The following PHLPP1 variants were observed in gnomAD, a reference collection of about 807,000 sequenced individuals.
PHLPP1 encodes the protein PH domain and leucine rich repeat protein phosphatase 1, also known as PH domain leucine-rich repeat-containing protein phosphatase 1.
In PHLPP1, 42 loss-of-function variants were observed where a neutral mutation model predicts 117.2. The ratio of observed to expected loss-of-function variants is 0.36; its 90% CI spans 0.28 to 0.46. PHLPP1 has a LOEUF of 0.46. Ranked by LOEUF, PHLPP1 falls within the 20% of genes least tolerant of loss-of-function variation. The pLI is 1.00. For synonymous variants in PHLPP1, 1,042 were observed against 970.7 expected, an observed-to-expected ratio of 1.07 and a Z score of -1.37; for missense variants, 2,084 against 2,241.9, an observed-to-expected ratio of 0.93 and a Z score of 1.42.
At chr18:62,969,340 G>A (rs1039596590) in intron 14 of PHLPP1, among the ~76,000 whole-genome samples, 1 of 152,134 alleles carries the variant, frequency 6.6e-6, no homozygotes, top group African/African-American at 2.4e-5. Flanking sequence ...ATTTAGAGTT[G>A]TAAATTTTTT....
chr18:62,971,571 C>T lies in PHLPP1; in HGVS notation c.3561-943C>T, dbSNP rs545596594. The stretch of plus-strand genomic sequence containing the variant: ...GTCCTCCTTCAGCCCCCAGCTCCAT[C>T]TCCTCAATGCACGGAGACCACAGCC... On this transcript the variant is annotated intron_variant, in intron 14 of 16. Coordinates refer to ENST00000262719, the MANE Select transcript of PHLPP1 (RefSeq NM_194449.4). Among the ~76,000 whole-genome samples, 33 of 152,266 alleles carry T rather than the reference C, an allele frequency of 2.2e-4. 1 individual carries two copies. In the South Asian group the frequency reaches 3.7e-3, roughly 17 times the overall value.
At chr18:62,890,034 C>T (rs1044736337) in intron 4 of PHLPP1, among the ~76,000 whole-genome samples, 1 of 152,026 alleles carries the variant, frequency 6.6e-6, no homozygotes, top group African/African-American at 2.4e-5. Context: ...ACTCCTTGTT[C>T]TGTAGGGGGC....
intron 9 of PHLPP1, among the ~76,000 whole-genome samples, chr18:62,917,218 A>G (rs965778235): frequency 2.0e-5 from 3 of 148,096 alleles, no homozygotes; most frequent in Non-Finnish European, 4.5e-5. Flanking sequence ...TATATATTAT[A>G]TATTTATATA....
chr18:62,837,977 G>A (rs1242752578), intron 2 of PHLPP1: 1 of 151,804 alleles, frequency 6.6e-6, no homozygotes, highest in African/African-American at 2.4e-5. Context: ...TTCCTTCCAA[G>A]TTCTTAAGGT....
intron 1 of PHLPP1, among the ~76,000 whole-genome samples, chr18:62,753,797 A>G (rs1911930066): frequency 6.6e-6 from 1 of 152,218 alleles, no homozygotes; most frequent in Admixed American, 6.5e-5. Context: ...TAAAGTTTGC[A>G]GTTTATTTCT....
At chr18:62,943,495 CA>C (rs1409353672) in intron 11 of PHLPP1, among the ~76,000 whole-genome samples, 1 of 152,034 alleles carries the variant, frequency 6.6e-6, no homozygotes, top group Non-Finnish European at 1.5e-5. Flanking sequence ...TTTCATGCAC[CA>C]TTACCCATTA....
intron 1 of PHLPP1, among the ~76,000 whole-genome samples, chr18:62,758,251 A>G (rs1185767440): frequency 2.0e-5 from 3 of 152,224 alleles, no homozygotes; most frequent in East Asian, 3.8e-4. Context: ...AAAGTAAATC[A>G]TTTTGGCTTC....
At chr18:62,768,877 A>G (rs1022338969) in intron 1 of PHLPP1, among the ~76,000 whole-genome samples, 1 of 152,230 alleles carries the variant, frequency 6.6e-6, no homozygotes, top group Non-Finnish European at 1.5e-5. Context: ...GCTTTTAGCT[A>G]TCAGAATTAT....
chr18:62,861,808 A>G (rs925711653), intron 4 of PHLPP1, among the ~76,000 whole-genome samples: 4 of 152,222 alleles, frequency 2.6e-5, no homozygotes, highest in African/African-American at 9.7e-5. Flanking sequence ...CCTTGATACT[A>G]TACCAAAACT....
intron 14 of PHLPP1, among the ~76,000 whole-genome samples, chr18:62,968,584 C>G (rs1910968597): frequency 7.9e-6 from 1 of 126,586 alleles, no homozygotes; most frequent in Non-Finnish European, 1.6e-5. Context: ...GTCACCCAGG[C>G]TGGAGTGCAG....
chr18:62,905,372 T>C (rs1314776630), intron 8 of PHLPP1, 88 bp downstream of exon 8: 7 of 582,042 alleles, frequency 1.2e-5, no homozygotes, highest in Non-Finnish European at 1.9e-5. Flanking sequence ...TACTTTTTAA[T>C]ATTTTGAAGG....
At chr18:62,871,730 C>T (rs553606228) in intron 4 of PHLPP1, among the ~76,000 whole-genome samples, 4 of 151,072 alleles carry the variant, frequency 2.6e-5, no homozygotes, top group Non-Finnish European at 5.9e-5. Flanking sequence ...CTGCAGCCTC[C>T]ATCTCCCAGA....
intron 3 of PHLPP1, 92 bp downstream of exon 3, chr18:62,839,001 A>G: frequency 1.5e-6 from 2 of 1,359,636 alleles, no homozygotes; most frequent in Non-Finnish European, 2.0e-6. Context: ...ATGGTTAGTT[A>G]CACACACTTT....
At chr18:62,902,182 A>G (rs1450223142) in intron 6 of PHLPP1, among the ~76,000 whole-genome samples, 1 of 152,126 alleles carries the variant, frequency 6.6e-6, no homozygotes, top group Non-Finnish European at 1.5e-5. Context: ...ACTAGTTCTT[A>G]TGGCTAGAGA....
intron 4 of PHLPP1, among the ~76,000 whole-genome samples, chr18:62,876,319 A>G (rs1178897624): frequency 1.3e-5 from 2 of 152,126 alleles, no homozygotes; most frequent in African/African-American, 4.8e-5. Context: ...TTTACCTTTG[A>G]CCACCTGCCG....
intron 1 of PHLPP1, among the ~76,000 whole-genome samples, chr18:62,742,795 T>C (rs575480183): frequency 1.8e-3 from 277 of 152,290 alleles, no homozygotes; most frequent in African/African-American, 6.5e-3. Context: ...AGCACACTCA[T>C]TTTCCTTTTC....
At chr18:62,805,610 C>T (rs1438968002) in intron 1 of PHLPP1, among the ~76,000 whole-genome samples, 2 of 152,158 alleles carry the variant, frequency 1.3e-5, no homozygotes, top group African/African-American at 2.4e-5. Flanking sequence ...ATCCTCCTAT[C>T]TCAGACTCTC....
At chr18:62,915,520 C>T (rs1909243686) in intron 9 of PHLPP1, among the ~76,000 whole-genome samples, 3 of 152,062 alleles carry the variant, frequency 2.0e-5, no homozygotes, top group Admixed American at 1.3e-4. Context: ...CTCTTTCCTT[C>T]TCTCTCTTAA....
intron 1 of PHLPP1, among the ~76,000 whole-genome samples, chr18:62,800,293 G>C (rs563331916): frequency 1.3e-5 from 2 of 152,204 alleles, no homozygotes; most frequent in African/African-American, 2.4e-5. Flanking sequence ...TGAACAACAG[G>C]GATATCCGAA....
Sources: gnomAD v4.1 joint callset for allele counts (sites outside exome capture counted in the v4.1 genomes callset) on GRCh38, gnomAD v4.1.1 for gene constraint, MANE v1.5 for transcripts, NCBI Gene and HGNC (gene_info 2026-07-23, HGNC 2026-07-21) for gene names.